EXOC6B: variants seen among roughly 807,000 people sequenced by gnomAD.
EXOC6B encodes the protein exocyst complex component 6B.
A neutral mutation model predicts 113.5 loss-of-function variants in EXOC6B; 54 were observed. The observed-to-expected ratio is 0.48, with a 90% CI of 0.38 to 0.60. EXOC6B has a LOEUF of 0.60. Among genes scored for constraint, EXOC6B ranks in the 20% least tolerant of loss-of-function variants. EXOC6B has a pLI of 0.00. For synonymous variants in EXOC6B, 357 were observed against 339.0 expected, an observed-to-expected ratio of 1.05 and a Z score of -0.58; for missense variants, 797 against 977.5, an observed-to-expected ratio of 0.82 and a Z score of 2.46.
At chr2:72,668,811 TGGGTATTATGCTAACCACCA>T (rs1201657696) in intron 6 of EXOC6B, among the ~76,000 whole-genome samples, 2 of 152,192 alleles carry the variant, frequency 1.3e-5, no homozygotes, top group Non-Finnish European at 2.9e-5. Flanking sequence ...AACTACCTGT[TGGGTATTATGCTAACCACCA>T]GGGTGACATA....
At position 72,566,006 on chromosome 2, in the gene EXOC6B, T is replaced by G. The variant is rs1048809504; in HGVS notation, c.847-6485A>C. ...CACGGAAAAAATAGTTCTCAGGTTT[T>G]GTTTTGTTTTTTTTTTTAAGTTTTA... On this transcript the variant is annotated intron_variant, in intron 7 of 21. Transcript: ENST00000272427. 6.6e-5 allele frequency among the ~76,000 whole-genome samples: 10 copies of G among 151,920 alleles called. No individual in the cohort carries two copies. In the East Asian group the frequency reaches 1.2e-3, roughly 18 times the overall value.
intron 20 of EXOC6B, among the ~76,000 whole-genome samples, chr2:72,232,603 A>G (rs1466729774): frequency 6.6e-6 from 1 of 151,908 alleles, no homozygotes; most frequent in African/African-American, 2.4e-5. Flanking sequence ...ATTGTACTTT[A>G]AAAGGCAGAA....
chr2:72,265,575 A>T (rs2104601500), intron 20 of EXOC6B, among the ~76,000 whole-genome samples: 1 of 152,042 alleles, frequency 6.6e-6, no homozygotes, highest in African/African-American at 2.4e-5. Flanking sequence ...CCTACAAACG[A>T]CATGAACTCA....
chr2:72,668,055 A>T (rs1427303318), intron 6 of EXOC6B, among the ~76,000 whole-genome samples: 1 of 152,216 alleles, frequency 6.6e-6, no homozygotes, highest in Non-Finnish European at 1.5e-5. Context: ...TGGGCAAAGG[A>T]CATGAACAGA....
rs371968822 is a variant in EXOC6B, at chr2:72,655,749, C to A, written c.669+62354G>T. On this transcript the variant is annotated intron_variant, in intron 6 of 21. Coordinates refer to ENST00000272427, the MANE Select transcript of EXOC6B (RefSeq NM_015189.3). ...ATTGAAAACATGATGACCAAAATTACAAATTGCACTTTTAGTAGAAAATGC... is the reference window on the plus strand; with the variant it reads ...ATTGAAAACATGATGACCAAAATTAAAAATTGCACTTTTAGTAGAAAATGC... Among the ~76,000 whole-genome samples, 22 of 152,134 alleles carry A rather than the reference C, an allele frequency of 1.4e-4. 2 individuals carry two copies. The highest frequency in any genetic ancestry group is 4.6e-4 in the African/African-American group (19 of 41,538).
At chr2:72,492,677 T>C (rs1375857287) in intron 15 of EXOC6B, among the ~76,000 whole-genome samples, 1 of 152,014 alleles carries the variant, frequency 6.6e-6, no homozygotes, top group Non-Finnish European at 1.5e-5. Context: ...TTTTTTTCTT[T>C]ATTTCTTTGA....
intron 1 of EXOC6B, among the ~76,000 whole-genome samples, chr2:72,763,583 C>G (rs1422082500): frequency 6.6e-6 from 1 of 151,830 alleles, no homozygotes; most frequent in African/African-American, 2.4e-5. Context: ...CCACCACACC[C>G]GGGTAATTTT....
chr2:72,285,228 G>A (rs1685357695), intron 20 of EXOC6B, among the ~76,000 whole-genome samples: 1 of 152,042 alleles, frequency 6.6e-6, no homozygotes, highest in African/African-American at 2.4e-5. Flanking sequence ...TTACTATAAA[G>A]CTATAGTAAT....
intron 20 of EXOC6B, among the ~76,000 whole-genome samples, chr2:72,334,002 T>A (rs1688550873): frequency 6.6e-6 from 1 of 151,780 alleles, no homozygotes; most frequent in Non-Finnish European, 1.5e-5. Context: ...GCAAACTATG[T>A]CAGCTCTGAA....
chr2:72,646,851 A>T (rs1220010003), intron 6 of EXOC6B, among the ~76,000 whole-genome samples: 1 of 152,214 alleles, frequency 6.6e-6, no homozygotes, highest in Non-Finnish European at 1.5e-5. Flanking sequence ...ATCATACTGA[A>T]TGGGCAAAAA....
chr2:72,582,148 G>A (rs1280075585), intron 6 of EXOC6B, among the ~76,000 whole-genome samples: 1 of 152,042 alleles, frequency 6.6e-6, no homozygotes, highest in Non-Finnish European at 1.5e-5. Flanking sequence ...CTTAGGGAAG[G>A]TGAAAGAGAA....
Position 72,499,910 on chromosome 2 carries a change from G to A in EXOC6B, c.1230C>T (p.Asp410=). Residue 410 remains aspartate (D), a synonymous_variant, in exon 12 of 22, where the codon GAC becomes GAT. Transcript: ENST00000272427. ...AACAGAAATCACATACCTGAAGTGT[G>A]TCAGCAAAAAGCACAATGAGGTTCT... ...DLKNLIVLFA[D]TLQVYGFPVN... 6.4e-7 allele frequency: 1 copy of A among 1,551,506 alleles called. No homozygotes were observed.
At chr2:72,600,759 CAA>C (rs772362607) in intron 6 of EXOC6B, among the ~76,000 whole-genome samples, 32 of 152,000 alleles carry the variant, frequency 2.1e-4, no homozygotes, top group Non-Finnish European at 3.5e-4. Context: ...TGGACAATAA[CAA>C]GAGAAAATCT....
intron 20 of EXOC6B, among the ~76,000 whole-genome samples, chr2:72,195,717 C>T (rs1018676562): frequency 2.6e-5 from 4 of 152,070 alleles, no homozygotes; most frequent in African/African-American, 9.7e-5. Flanking sequence ...AATGGCAGAG[C>T]TCAAAAATCT....
At chr2:72,772,886 A>C (rs529733409) in intron 1 of EXOC6B, among the ~76,000 whole-genome samples, 1 of 152,136 alleles carries the variant, frequency 6.6e-6, no homozygotes, top group Non-Finnish European at 1.5e-5. Flanking sequence ...AAACAGGAAA[A>C]CCATAATCCC....
At position 72,178,169 on chromosome 2, in the gene EXOC6B, G is replaced by C. The variant is rs1358719139; in HGVS notation, c.*1166C>G. The C allele has an allele frequency of 6.6e-6, 1 of 152,182 alleles. No individual in the cohort carries two copies. The highest frequency in any genetic ancestry group is 6.5e-5 in the Admixed American group (1 of 15,274). The allele number at this position is 152,182 out of a possible 1,614,324, so 9.4% of individuals were successfully genotyped here. On this transcript the variant is annotated 3_prime_UTR_variant, in exon 22 of 22. Transcript: ENST00000272427. ...CTAGGATATTATTTAGTGAAGGACA[G>C]TTGGGCCAGAGGCAACAAGCCACAA...
intron 6 of EXOC6B, among the ~76,000 whole-genome samples, chr2:72,668,446 CA>C (rs112001284): frequency 1.5e-3 from 208 of 137,248 alleles, no homozygotes; most frequent in Admixed American, 2.0e-3. Flanking sequence ...ATTGTTCTAC[CA>C]AAAAAAAAAA....
intron 19 of EXOC6B, among the ~76,000 whole-genome samples, chr2:72,367,283 A>G (rs985755834): frequency 1.3e-5 from 2 of 152,192 alleles, no homozygotes; most frequent in Admixed American, 6.5e-5. Context: ...TAAAATATAC[A>G]ACAGAGTCTG....
At chr2:72,732,099 T>A (rs1231305608) in intron 3 of EXOC6B, among the ~76,000 whole-genome samples, 2 of 152,172 alleles carry the variant, frequency 1.3e-5, no homozygotes. Flanking sequence ...TATTGTAAAC[T>A]GTGATGGTTT....
Sources: gnomAD v4.1 joint callset for allele counts (sites outside exome capture counted in the v4.1 genomes callset) on GRCh38, gnomAD v4.1.1 for gene constraint, MANE v1.5 for transcripts, NCBI Gene and HGNC (gene_info 2026-07-23, HGNC 2026-07-21) for gene names.